Variants in CDH8 observed in about 807,000 individuals in gnomAD.
CDH8 encodes the protein cadherin 8.
A neutral mutation model predicts 68.1 loss-of-function variants in CDH8; 17 were observed. The observed-to-expected ratio is 0.25, with a 90% CI of 0.17 to 0.37. The LOEUF (loss-of-function observed/expected upper bound fraction) is 0.37. Ranked by LOEUF, CDH8 falls within the 10% of genes least tolerant of loss-of-function variation. CDH8 has a pLI of 1.00. For synonymous variants in CDH8, 372 were observed against 365.1 expected (o/e 1.02, Z -0.21); for missense variants, 763 against 999.3 (o/e 0.76, Z 3.19).
intron 8 of CDH8, among the ~76,000 whole-genome samples, chr16:61,763,978 T>C (rs1960529550): frequency 6.6e-6 from 1 of 152,202 alleles, no homozygotes; most frequent in Non-Finnish European, 1.5e-5. Context: ...GTTTCTCTGA[T>C]AGCCTTGGAT....
At chr16:62,016,574 T>C (rs533455436) in intron 2 of CDH8, among the ~76,000 whole-genome samples, 2 of 152,310 alleles carry the variant, frequency 1.3e-5, no homozygotes, top group African/African-American at 2.4e-5. Context: ...ATAAGCATAA[T>C]TGGGCTAAGT....
chr16:62,014,002 C>T (rs964547332), intron 2 of CDH8, among the ~76,000 whole-genome samples: 9 of 152,162 alleles, frequency 5.9e-5, no homozygotes, highest in Non-Finnish European at 1.3e-4. Flanking sequence ...AGAGCATCTA[C>T]AAACATAAGC....
chr16:62,031,806 G>A (rs957533509), intron 1 of CDH8, among the ~76,000 whole-genome samples: 4 of 152,024 alleles, frequency 2.6e-5, no homozygotes, highest in Admixed American at 6.6e-5. Context: ...AAACAGTATT[G>A]GCCCCGGTGC....
At chr16:61,693,818 CATA>C (rs1214376671) in intron 10 of CDH8, 3 of 152,072 alleles carry the variant, frequency 2.0e-5, no homozygotes, top group African/African-American at 7.2e-5. Context: ...GATCTAGCTA[CATA>C]ATAACAGCAG....
intron 2 of CDH8, among the ~76,000 whole-genome samples, chr16:62,013,261 CAAAAAAA>C (rs1165564723): frequency 7.8e-4 from 5 of 6,408 alleles, no homozygotes; most frequent in African/African-American, 3.0e-3. Flanking sequence ...GACTCCGTCT[CAAAAAAA>C]AAAAAAAAAA....
chr16:61,669,998 G>A (rs1399246305), intron 10 of CDH8, among the ~76,000 whole-genome samples: 1 of 152,022 alleles, frequency 6.6e-6, no homozygotes, highest in Non-Finnish European at 1.5e-5. Context: ...TATTAAGCAA[G>A]TGTGCCTGGA....
chr16:61,807,087 G>A (rs1252379847), intron 7 of CDH8, among the ~76,000 whole-genome samples: 28 of 137,192 alleles, frequency 2.0e-4, no homozygotes, highest in African/African-American at 7.5e-4. Context: ...GTCCAACAAT[G>A]ATAGACTGGA....
chr16:62,027,696 C>T (rs1298087882), intron 1 of CDH8, among the ~76,000 whole-genome samples: 2 of 152,112 alleles, frequency 1.3e-5, no homozygotes, highest in African/African-American at 4.8e-5. Context: ...CAGTGTGTGA[C>T]CCAGAGCAAT....
chr16:61,844,915 T>C (rs1962772217), intron 4 of CDH8, among the ~76,000 whole-genome samples: 1 of 152,182 alleles, frequency 6.6e-6, no homozygotes, highest in African/African-American at 2.4e-5. Flanking sequence ...GTAAAGTTGG[T>C]AAAACCTGGT....
At chr16:61,917,343 G>A (rs1313805956) in intron 2 of CDH8, among the ~76,000 whole-genome samples, 1 of 152,104 alleles carries the variant, frequency 6.6e-6, no homozygotes, top group Non-Finnish European at 1.5e-5. Context: ...AGAATGTGAT[G>A]GGAATGCAAC....
At chr16:61,712,142 G>T (rs1366598689) in intron 10 of CDH8, among the ~76,000 whole-genome samples, 1 of 151,576 alleles carries the variant, frequency 6.6e-6, no homozygotes, top group Non-Finnish European at 1.5e-5. Context: ...GCAGAATGAG[G>T]TATTCTAAAT....
chr16:61,810,150 G>A (rs1479355576), intron 7 of CDH8, among the ~76,000 whole-genome samples: 2 of 152,126 alleles, frequency 1.3e-5, no homozygotes, highest in Admixed American at 1.3e-4. Flanking sequence ...AAACCCCTTA[G>A]TTATGAATCA....
intron 4 of CDH8, among the ~76,000 whole-genome samples, chr16:61,838,914 AATGATC>A (rs1181759280): frequency 6.6e-6 from 1 of 152,116 alleles, no homozygotes; most frequent in Non-Finnish European, 1.5e-5. Flanking sequence ...TTGTCACTAA[AATGATC>A]AAGGGATTAA....
intron 10 of CDH8, among the ~76,000 whole-genome samples, chr16:61,682,522 A>T (rs576295567): frequency 6.6e-6 from 1 of 152,082 alleles, no homozygotes; most frequent in South Asian, 2.1e-4. Context: ...ACAGTTGAAT[A>T]TTGTTCAGGA....
At chr16:61,761,834 C>T (rs930901011) in intron 8 of CDH8, among the ~76,000 whole-genome samples, 2 of 151,920 alleles carry the variant, frequency 1.3e-5, no homozygotes, top group African/African-American at 4.8e-5. Context: ...GAGACTCTGT[C>T]TCTACAAAAA....
At chr16:61,837,623 C>G (rs775806104) in intron 4 of CDH8, among the ~76,000 whole-genome samples, 1 of 152,016 alleles carries the variant, frequency 6.6e-6, no homozygotes, top group Non-Finnish European at 1.5e-5. Context: ...GTGTATGAAA[C>G]ACAGCAAACA....
intron 4 of CDH8, among the ~76,000 whole-genome samples, chr16:61,843,455 G>C: frequency 6.6e-6 from 1 of 152,114 alleles, no homozygotes; most frequent in East Asian, 1.9e-4. Flanking sequence ...AAAGAAATGG[G>C]ATCTCAGGGA....
intron 4 of CDH8, among the ~76,000 whole-genome samples, chr16:61,841,211 T>G (rs1258550117): frequency 3.9e-5 from 6 of 152,318 alleles, no homozygotes; most frequent in Non-Finnish European, 5.9e-5. Flanking sequence ...TTCCTTTTTT[T>G]GGGTATATAC....
chr16:61,941,838 A>T (rs1964729946), intron 2 of CDH8, among the ~76,000 whole-genome samples: 1 of 152,170 alleles, frequency 6.6e-6, no homozygotes, highest in South Asian at 2.1e-4. Context: ...TGCAGAACTC[A>T]AAAGACTGGC....
Sources: gnomAD v4.1 joint callset for allele counts (sites outside exome capture counted in the v4.1 genomes callset) on GRCh38, gnomAD v4.1.1 for gene constraint, MANE v1.5 for transcripts, NCBI Gene and HGNC (gene_info 2026-07-23, HGNC 2026-07-21) for gene names.